GUCY1B1: variants seen among roughly 807,000 people sequenced by gnomAD.
GUCY1B1 encodes guanylate cyclase soluble subunit beta-1.
GUCY1B1 carries 43 observed loss-of-function variants against 71.0 expected under a neutral mutation model. That is an observed-to-expected ratio of 0.61 (90% CI 0.47 to 0.78). The LOEUF (loss-of-function observed/expected upper bound fraction) is 0.78. Ranked by LOEUF, GUCY1B1 falls within the 30% of genes least tolerant of loss-of-function variation. The probability of loss-of-function intolerance (pLI) is 0.00; values close to 1 mark genes in which losing one functional copy is unlikely to be tolerated. For synonymous variants in GUCY1B1, 266 were observed against 259.7 expected (o/e 1.02, Z -0.23); for missense variants, 535 against 754.1 (o/e 0.71, Z 3.40).
At chr4:155,782,858 G>A (rs911472828) in intron 4 of GUCY1B1, among the ~76,000 whole-genome samples, 8 of 152,154 alleles carry the variant, frequency 5.3e-5, no homozygotes, top group African/African-American at 1.9e-4. Flanking sequence ...GAGAGGCCAC[G>A]TGTAGACTGG....
intron 8 of GUCY1B1, among the ~76,000 whole-genome samples, chr4:155,797,786 T>A (rs1739664834): frequency 7.4e-6 from 1 of 134,876 alleles, no homozygotes; most frequent in African/African-American, 2.7e-5. Context: ...TTAAGTACAT[T>A]TAAGATTAAT....
chr4:155,795,217 A>T (rs895595969), intron 6 of GUCY1B1, 124 bp from the exon 7 acceptor site: 2 of 533,920 alleles, frequency 3.7e-6, no homozygotes, highest in African/African-American at 3.9e-5. Flanking sequence ...TTTCCCTTGA[A>T]TTATAATAAT....
chr4:155,789,665 G>A, intron 4 of GUCY1B1, 49 bp from the exon 5 acceptor site: 1 of 1,081,278 alleles, frequency 9.2e-7, no homozygotes, highest in South Asian at 1.5e-5. Flanking sequence ...AGAGTCTGCT[G>A]TCATTGCGAA....
chr4:155,767,888 A>G (rs1579193566), intron 2 of GUCY1B1, among the ~76,000 whole-genome samples: 2 of 152,158 alleles, frequency 1.3e-5, no homozygotes, highest in Admixed American at 1.3e-4. Flanking sequence ...ATAGTGGGAG[A>G]TTTTAGTTTT....
At chr4:155,787,138 C>T (rs1469213131) in intron 4 of GUCY1B1, among the ~76,000 whole-genome samples, 1 of 152,090 alleles carries the variant, frequency 6.6e-6, no homozygotes, top group African/African-American at 2.4e-5. Flanking sequence ...CTCAGGTCGT[C>T]CCTTCTAAGG....
intron 2 of GUCY1B1, 139 bp from the exon 3 acceptor site, chr4:155,774,829 G>A (rs1452694843): frequency 1.6e-6 from 1 of 628,734 alleles, no homozygotes; most frequent in East Asian, 2.8e-5. Flanking sequence ...GGTACATGAT[G>A]ATGTTTAAAC....
intron 2 of GUCY1B1, among the ~76,000 whole-genome samples, chr4:155,763,514 G>A (rs1737138583): frequency 6.6e-6 from 1 of 150,904 alleles, no homozygotes. Flanking sequence ...AGGCACTGAG[G>A]ATAGAAAAGC....
At chr4:155,800,657 T>C (rs1739882627) in intron 9 of GUCY1B1, among the ~76,000 whole-genome samples, 1 of 152,234 alleles carries the variant, frequency 6.6e-6, no homozygotes, top group South Asian at 2.1e-4. Context: ...GATTCAATTA[T>C]GAAATATTGA....
intron 4 of GUCY1B1, among the ~76,000 whole-genome samples, chr4:155,787,566 G>A (rs373884396): frequency 1.3e-5 from 2 of 152,244 alleles, no homozygotes; most frequent in Admixed American, 1.3e-4. Context: ...CTCATCAAAA[G>A]CCACTCTACA....
chr4:155,768,318 T>C (rs1272807189), intron 2 of GUCY1B1, among the ~76,000 whole-genome samples: 1 of 152,148 alleles, frequency 6.6e-6, no homozygotes, highest in Non-Finnish European at 1.5e-5. Flanking sequence ...TATCTCCTTG[T>C]ATGTGAAGTT....
Position 155,806,562 on chromosome 4 carries a change from A to C in GUCY1B1, c.*153A>C. 1.8e-6 allele frequency: 1 copy of C among 563,446 alleles called. No homozygotes were observed. Among genetic ancestry groups the C allele is most frequent in the South Asian group, 2.8e-5 (1 of 36,112 alleles). The allele number at this position is 563,446 out of a possible 1,614,324, so 34.9% of individuals were successfully genotyped here. A position where few individuals can be genotyped will look rare whatever the true frequency, so the allele number is the denominator to read the frequency against. On this transcript the variant is annotated 3_prime_UTR_variant, in exon 14 of 14. Transcript: ENST00000264424. The stretch of plus-strand genomic sequence containing the variant: ...CTTTCTTCTAGATATATCTCTCACT[A>C]TCCGTTATTCAACCTTAGCTCTGCT...
At chr4:155,766,029 C>G (rs1010772681) in intron 2 of GUCY1B1, among the ~76,000 whole-genome samples, 1 of 152,142 alleles carries the variant, frequency 6.6e-6, no homozygotes, top group African/African-American at 2.4e-5. Flanking sequence ...TGACAATAGC[C>G]TCCATAACTC....
intron 10 of GUCY1B1, 67 bp from the exon 11 acceptor site, chr4:155,803,557 G>A (rs1055175503): frequency 3.6e-6 from 4 of 1,120,568 alleles, no homozygotes; most frequent in African/African-American, 1.6e-5. Flanking sequence ...TATGTTTTTT[G>A]TTAGGGTAAT....
chr4:155,785,262 A>G (rs1055345392), intron 4 of GUCY1B1: 12 of 1,376,332 alleles, frequency 8.7e-6, no homozygotes, highest in Non-Finnish European at 1.2e-5. Context: ...TATGAAGCCT[A>G]GAAGAATGAA....
intron 4 of GUCY1B1, among the ~76,000 whole-genome samples, chr4:155,783,088 C>T (rs1454253064): frequency 6.6e-6 from 1 of 152,168 alleles, no homozygotes; most frequent in Admixed American, 6.5e-5. Flanking sequence ...TGACATACAG[C>T]TATGGATAAC....
At chr4:155,796,581 T>C in intron 8 of GUCY1B1, 71 bp downstream of exon 8, 1 of 983,288 alleles carries the variant, frequency 1.0e-6, no homozygotes, top group Non-Finnish European at 1.5e-6. Context: ...TGCCACAATA[T>C]TTTATTCCAT....
chr4:155,783,636 GA>G (rs1561015654), intron 4 of GUCY1B1, among the ~76,000 whole-genome samples: 1 of 152,090 alleles, frequency 6.6e-6, no homozygotes, highest in African/African-American at 2.4e-5. Flanking sequence ...TCCAGGTTTT[GA>G]CTTATTAAAT....
At chr4:155,800,153 C>T in intron 9 of GUCY1B1, 79 bp downstream of exon 9, 1 of 933,334 alleles carries the variant, frequency 1.1e-6, no homozygotes, top group East Asian at 2.7e-5. Flanking sequence ...GAGAACCAGA[C>T]TAAAAAGCCA....
intron 2 of GUCY1B1, among the ~76,000 whole-genome samples, chr4:155,767,292 A>T (rs1028121858): frequency 1.3e-5 from 2 of 152,132 alleles, no homozygotes; most frequent in African/African-American, 4.8e-5. Context: ...AATATTTTTA[A>T]AGGCGAATTG....
Sources: gnomAD v4.1 joint callset for allele counts (sites outside exome capture counted in the v4.1 genomes callset) on GRCh38, gnomAD v4.1.1 for gene constraint, MANE v1.5 for transcripts, NCBI Gene and HGNC (gene_info 2026-07-23, HGNC 2026-07-21) for gene names.